DLGAP1: variants seen among roughly 807,000 people sequenced by gnomAD.
DLGAP1 encodes the protein disks large-associated protein 1.
In DLGAP1, 11 loss-of-function variants were observed where a neutral mutation model predicts 90.8. The observed-to-expected ratio is 0.12, with a 90% CI of 0.08 to 0.20. The LOEUF (loss-of-function observed/expected upper bound fraction) is 0.20, where lower values mean the gene tolerates loss of function less well. DLGAP1 is among the 10% of genes least tolerant of loss of function. The pLI is 1.00. For synonymous variants in DLGAP1, 558 were observed against 540.7 expected, an observed-to-expected ratio of 1.03 and a Z score of -0.44; for missense variants, 1,050 against 1,333.8, an observed-to-expected ratio of 0.79 and a Z score of 3.31.
intron 7 of DLGAP1, among the ~76,000 whole-genome samples, chr18:3,600,861 TATAG>T (rs2056924008): frequency 1.2e-5 from 1 of 82,660 alleles, no homozygotes; most frequent in Non-Finnish European, 2.2e-5. Flanking sequence ...TATAGATATA[TATAG>T]ATATATAGAT....
chr18:4,064,427 T>A (rs7235031), intron 2 of DLGAP1, among the ~76,000 whole-genome samples: 65,359 of 150,860 alleles, frequency 0.43, 15,060 homozygotes, highest in African/African-American at 0.6. Context: ...CTTGAAAAAA[T>A]TAATACAATA....
chr18:4,362,288 T>C (rs1270824229), intron 1 of DLGAP1, among the ~76,000 whole-genome samples: 2 of 152,178 alleles, frequency 1.3e-5, no homozygotes, highest in African/African-American at 4.8e-5. Context: ...TACACCAGTG[T>C]TCACAGCAGA....
At position 3,502,586 on chromosome 18, in the gene DLGAP1, C is replaced by T; in HGVS notation, c.2631G>A (p.Leu877=). ...SQDLAGFWDM[L]QLSIENISMK... is the part of the protein sequence containing the mutation. The stretch of plus-strand genomic sequence containing the variant: ...TACTAATATTTTCTATGGACAACTG[C>T]AGCATGTCCCAAAACCCCGCCAAAT... The change falls in exon 12 of 13, where the codon CTG becomes CTA. Residue 877 remains leucine (L), a synonymous_variant. Coordinates refer to ENST00000315677, the MANE Select transcript of DLGAP1 (RefSeq NM_004746.4). 3 of 1,614,090 alleles carry T rather than the reference C, an allele frequency of 1.9e-6. No individual in the cohort carries two copies. Among genetic ancestry groups the T allele is most frequent in the Non-Finnish European group, 2.5e-6 (3 of 1,179,980 alleles).
intron 4 of DLGAP1, among the ~76,000 whole-genome samples, chr18:3,849,708 G>C (rs924072339): frequency 2.0e-5 from 3 of 152,174 alleles, no homozygotes; most frequent in Non-Finnish European, 4.4e-5. Flanking sequence ...ATTGATTTGA[G>C]AATGTTTATC....
chr18:3,576,664 A>C (rs2055166106), intron 8 of DLGAP1, among the ~76,000 whole-genome samples: 1 of 149,638 alleles, frequency 6.7e-6, no homozygotes, highest in African/African-American at 2.5e-5. Flanking sequence ...TCCCAGGTTC[A>C]AACGATTCTC....
At chr18:4,451,033 T>C (rs2083814094) in intron 1 of DLGAP1, among the ~76,000 whole-genome samples, 1 of 152,210 alleles carries the variant, frequency 6.6e-6, no homozygotes, top group East Asian at 1.9e-4. Flanking sequence ...TGTTACTTGC[T>C]GCCCAGTAAT....
intron 1 of DLGAP1, among the ~76,000 whole-genome samples, chr18:4,244,485 C>T (rs1056078834): frequency 4.6e-5 from 7 of 151,996 alleles, no homozygotes; most frequent in Admixed American, 3.3e-4. Context: ...GAAATTCATG[C>T]GGTATATCTT....
At chr18:4,299,068 G>A (rs374857990) in intron 1 of DLGAP1, among the ~76,000 whole-genome samples, 13 of 134,820 alleles carry the variant, frequency 9.6e-5, no homozygotes, top group African/African-American at 3.5e-4. Flanking sequence ...GCGACAGAGC[G>A]AGACTCTGTC....
rs888002100 is a variant in DLGAP1 at position 3,548,279 on chromosome 18, A to T, written c.2058-13664T>A. Among the ~76,000 whole-genome samples the T allele has an allele frequency of 5.5e-5, 3 of 54,832 alleles. No individual in the cohort carries two copies. In the African/African-American group the frequency reaches 7.6e-4, roughly 14 times the overall value. 36.0% of individuals were successfully genotyped at this position (54,832 alleles called of 152,430 possible). On this transcript the variant is annotated intron_variant, in intron 9 of 12. Transcript: ENST00000315677. ...TATGTATCTTAGTATAATTTTTCTA[A>T]AAAAAAATCAGCAATTCAATTCATC...
intron 2 of DLGAP1, among the ~76,000 whole-genome samples, chr18:4,058,822 C>A (rs191262330): frequency 1.2e-3 from 178 of 152,308 alleles, no homozygotes; most frequent in African/African-American, 4.0e-3. Flanking sequence ...CTTGCAGCAG[C>A]TAGCTGCAAA....
intron 7 of DLGAP1, among the ~76,000 whole-genome samples, chr18:3,667,417 C>T (rs2146687510): frequency 6.6e-6 from 1 of 152,232 alleles, no homozygotes; most frequent in Admixed American, 6.5e-5. Flanking sequence ...GTCTCCTCCA[C>T]TTACAAAATG....
chr18:3,507,221 C>T (rs1225437940), intron 11 of DLGAP1, among the ~76,000 whole-genome samples: 3 of 152,028 alleles, frequency 2.0e-5, no homozygotes, highest in Non-Finnish European at 4.4e-5. Context: ...AGTGCGATGG[C>T]GTGCCTGTAA....
intron 1 of DLGAP1, among the ~76,000 whole-genome samples, chr18:4,270,623 G>T (rs1379215492): frequency 2.0e-5 from 3 of 152,052 alleles, no homozygotes; most frequent in Non-Finnish European, 4.4e-5. Context: ...ACACTTACAA[G>T]AAAATAAAGA....
At chr18:4,377,125 C>T (rs917427601) in intron 1 of DLGAP1, among the ~76,000 whole-genome samples, 3 of 152,068 alleles carry the variant, frequency 2.0e-5, no homozygotes, top group African/African-American at 7.2e-5. Flanking sequence ...TTATGCATTT[C>T]CCATTCTCAC....
intron 1 of DLGAP1, among the ~76,000 whole-genome samples, chr18:4,338,354 T>C (rs2081117641): frequency 6.6e-6 from 1 of 152,214 alleles, no homozygotes; most frequent in Admixed American, 6.5e-5. Context: ...AGGTGCTGAG[T>C]ACATAGTACA....
intron 2 of DLGAP1, among the ~76,000 whole-genome samples, chr18:4,141,469 C>G (rs770725717): frequency 1.3e-5 from 2 of 151,940 alleles, no homozygotes; most frequent in Non-Finnish European, 2.9e-5. Flanking sequence ...TGTCATGTAG[C>G]CTCTGGAAAA....
At chr18:3,678,409 C>T (rs180891519) in intron 7 of DLGAP1, among the ~76,000 whole-genome samples, 25 of 152,202 alleles carry the variant, frequency 1.6e-4, no homozygotes, top group Admixed American at 5.9e-4. Context: ...ATCTCCTTCA[C>T]GTTTTCTCTC....
intron 1 of DLGAP1, among the ~76,000 whole-genome samples, chr18:4,349,574 A>G (rs1372855811): frequency 1.3e-5 from 2 of 152,170 alleles, no homozygotes; most frequent in African/African-American, 4.8e-5. Context: ...TGGTATATTT[A>G]CAAAGTTTAC....
chr18:4,285,157 T>C (rs1055753427), intron 1 of DLGAP1, among the ~76,000 whole-genome samples: 3 of 152,202 alleles, frequency 2.0e-5, no homozygotes, highest in Non-Finnish European at 2.9e-5. Flanking sequence ...CCCAGGCCTA[T>C]AGGTGGAAGA....
Sources: allele counts gnomAD v4.1 joint callset (sites outside exome capture counted in the v4.1 genomes callset), GRCh38; gene constraint gnomAD v4.1.1; transcripts MANE v1.5; gene names NCBI Gene and HGNC (gene_info 2026-07-23, HGNC 2026-07-21).